Variants in SLC39A11 observed in about 807,000 individuals in gnomAD.
SLC39A11 encodes zinc transporter ZIP11.
Under a neutral mutation model 36.1 loss-of-function variants are expected in SLC39A11, and 33 were observed. The observed-to-expected ratio is 0.91, with a 90% CI of 0.69 to 1.22. The LOEUF (loss-of-function observed/expected upper bound fraction) is 1.22. Ranked by LOEUF, SLC39A11 falls within the 50% of genes most tolerant of loss-of-function variation. The pLI, the probability that SLC39A11 is intolerant of heterozygous loss-of-function variation, is 0.00. For missense variants in SLC39A11, 432 were observed against 430.3 expected, an observed-to-expected ratio of 1.00 and a Z score of -0.03; for synonymous variants, 166 against 170.3, an observed-to-expected ratio of 0.97 and a Z score of 0.20.
chr17:72,813,797 A>T (rs556086656), intron 6 of SLC39A11, among the ~76,000 whole-genome samples: 256 of 152,366 alleles, frequency 1.7e-3, no homozygotes, highest in Middle Eastern at 0.01. Context: ...AAACGCCTTT[A>T]GTTAAGGCAG....
At chr17:72,939,259 G>A (rs547194550) in intron 5 of SLC39A11, among the ~76,000 whole-genome samples, 29 of 152,248 alleles carry the variant, frequency 1.9e-4, no homozygotes, top group East Asian at 5.8e-4. Context: ...TCAGGAGTTC[G>A]AAACCAGCCT....
chr17:72,819,605 C>A (rs182264068), intron 6 of SLC39A11, among the ~76,000 whole-genome samples: 25 of 151,354 alleles, frequency 1.7e-4, no homozygotes, highest in Non-Finnish European at 5.9e-5. Flanking sequence ...CCACTCTCTG[C>A]AAAGCCCCTC....
chr17:72,791,084 C>T (rs2076685644), intron 6 of SLC39A11, among the ~76,000 whole-genome samples: 1 of 152,152 alleles, frequency 6.6e-6, no homozygotes, highest in South Asian at 2.1e-4. Context: ...TTCTCAGGTC[C>T]CATTTCAGAC....
intron 5 of SLC39A11, among the ~76,000 whole-genome samples, chr17:72,899,045 G>A (rs1290955109): frequency 6.6e-6 from 1 of 151,512 alleles, no homozygotes; most frequent in African/African-American, 2.4e-5. Flanking sequence ...ACTCTCCTAA[G>A]CTTTATGCAG....
At chr17:72,765,877 T>G (rs73352909) in intron 6 of SLC39A11, among the ~76,000 whole-genome samples, 2,187 of 152,248 alleles carry the variant, frequency 0.014, 43 homozygotes, top group African/African-American at 0.049. Flanking sequence ...ATGGGAAAGT[T>G]TTCAACAACC....
At chr17:72,758,796 T>C (rs1007374182) in intron 6 of SLC39A11, among the ~76,000 whole-genome samples, 3 of 152,172 alleles carry the variant, frequency 2.0e-5, no homozygotes, top group African/African-American at 7.2e-5. Context: ...GCTGCCCAGA[T>C]CGGTTGATAC....
chr17:72,857,889 G>A (rs2146152831), intron 5 of SLC39A11, among the ~76,000 whole-genome samples: 1 of 152,296 alleles, frequency 6.6e-6, no homozygotes, highest in South Asian at 2.1e-4. Flanking sequence ...TCTGTCAGAT[G>A]CATAGTTTGC....
intron 5 of SLC39A11, among the ~76,000 whole-genome samples, chr17:72,900,173 G>A (rs946861828): frequency 7.7e-6 from 1 of 129,598 alleles, no homozygotes; most frequent in Non-Finnish European, 1.6e-5. Context: ...AAGAAAGAAA[G>A]AAAGAAAGAA....
At chr17:72,865,745 G>C (rs1442384138) in intron 5 of SLC39A11, among the ~76,000 whole-genome samples, 1 of 151,978 alleles carries the variant, frequency 6.6e-6, no homozygotes, top group East Asian at 1.9e-4. Context: ...GAACCTTTGT[G>C]TAATAGCTCT....
rs572763313 is a variant in SLC39A11, at chr17:72,970,963, T to C, written c.307-23088A>G. Among the ~76,000 whole-genome samples the C allele has an allele frequency of 1.3e-3, 193 of 152,316 alleles. 1 individual carries two copies. The highest frequency in any genetic ancestry group is 4.5e-3 in the African/African-American group (186 of 41,572). On this transcript the variant is annotated intron_variant, in intron 4 of 9. Transcript: ENST00000255559. ...TCCGCTGGGTGTCTGGGGCTCTGGG[T>C]GTCCCCACCACTCCTCCAGTGCCCA...
At chr17:72,987,071 C>G (rs1300574892) in intron 4 of SLC39A11, among the ~76,000 whole-genome samples, 2 of 152,108 alleles carry the variant, frequency 1.3e-5, no homozygotes, top group African/African-American at 4.8e-5. Flanking sequence ...GTTTGTTGCC[C>G]TCCCCACAGT....
chr17:73,017,840 G>A (rs115633898), intron 4 of SLC39A11, among the ~76,000 whole-genome samples: 1,923 of 152,288 alleles, frequency 0.013, 50 homozygotes, highest in African/African-American at 0.043. Context: ...ATATGCAAAG[G>A]GATATCCATG....
intron 7 of SLC39A11, among the ~76,000 whole-genome samples, chr17:72,659,154 T>C (rs1204825693): frequency 6.6e-6 from 1 of 152,174 alleles, no homozygotes; most frequent in Non-Finnish European, 1.5e-5. Flanking sequence ...ATGCCACATA[T>C]GAAGAAAGAC....
chr17:72,761,559 AT>A (rs147627859), intron 6 of SLC39A11, among the ~76,000 whole-genome samples: 2,869 of 152,310 alleles, frequency 0.019, 38 homozygotes, highest in East Asian at 0.041. Flanking sequence ...ATTTTCAAAC[AT>A]AATCCTTCTA....
At chr17:72,964,738 C>A (rs2086845048) in intron 4 of SLC39A11, among the ~76,000 whole-genome samples, 1 of 152,156 alleles carries the variant, frequency 6.6e-6, no homozygotes. Context: ...TTGACCCAGC[C>A]ATCCCATTAC....
chr17:72,719,055 A>G (rs940975210), intron 7 of SLC39A11, among the ~76,000 whole-genome samples: 3 of 150,220 alleles, frequency 2.0e-5, no homozygotes, highest in Non-Finnish European at 2.9e-5. Context: ...CCTTGGCAAC[A>G]TGGCAAAACC....
At chr17:72,673,874 C>T (rs936112699) in intron 7 of SLC39A11, among the ~76,000 whole-genome samples, 12 of 152,062 alleles carry the variant, frequency 7.9e-5, no homozygotes, top group African/African-American at 2.7e-4. Flanking sequence ...TCAAGATGAG[C>T]CTGGCCAACA....
At chr17:72,671,964 T>C (rs142647904) in intron 7 of SLC39A11, among the ~76,000 whole-genome samples, 52 of 152,284 alleles carry the variant, frequency 3.4e-4, no homozygotes, top group African/African-American at 1.2e-3. Flanking sequence ...ATCGTGACTA[T>C]AGTAGACAAT....
At chr17:72,811,360 C>T (rs1323402978) in intron 6 of SLC39A11, among the ~76,000 whole-genome samples, 1 of 152,200 alleles carries the variant, frequency 6.6e-6, no homozygotes, top group Non-Finnish European at 1.5e-5. Context: ...GCCCCACCTC[C>T]TAACCATCAC....
Sources: allele counts gnomAD v4.1 joint callset (sites outside exome capture counted in the v4.1 genomes callset), GRCh38; gene constraint gnomAD v4.1.1; transcripts MANE v1.5; gene names NCBI Gene and HGNC (gene_info 2026-07-23, HGNC 2026-07-21).